PLEKHG1: variants seen among roughly 807,000 people sequenced by gnomAD.
PLEKHG1 encodes the protein pleckstrin homology domain-containing family G member 1.
Under a neutral mutation model 100.8 loss-of-function variants are expected in PLEKHG1, and 44 were observed. The ratio of observed to expected loss-of-function variants is 0.44; its 90% CI spans 0.34 to 0.56. The LOEUF (loss-of-function observed/expected upper bound fraction) is 0.56. Ranked by LOEUF, PLEKHG1 falls within the 20% of genes least tolerant of loss-of-function variation. The pLI is 0.01. For missense variants in PLEKHG1, 1,545 were observed against 1,720.9 expected, an observed-to-expected ratio of 0.90 and a Z score of 1.81; for synonymous variants, 640 against 662.5, an observed-to-expected ratio of 0.97 and a Z score of 0.52.
At chr6:150,781,039 A>C (rs1251590666) in intron 3 of PLEKHG1, among the ~76,000 whole-genome samples, 1 of 151,328 alleles carries the variant, frequency 6.6e-6, no homozygotes, top group Admixed American at 6.6e-5. Flanking sequence ...ACGCCCAGCT[A>C]ATTTTTGTAT....
intron 1 of PLEKHG1, among the ~76,000 whole-genome samples, chr6:150,603,492 A>G (rs1776456759): frequency 1.3e-5 from 2 of 152,188 alleles, no homozygotes; most frequent in Non-Finnish European, 2.9e-5. Context: ...TATATGGCTA[A>G]TCACCTAGCG....
At chr6:150,643,802 AG>A (rs1778370288) in intron 2 of PLEKHG1, among the ~76,000 whole-genome samples, 2 of 152,330 alleles carry the variant, frequency 1.3e-5, no homozygotes, top group African/African-American at 4.8e-5. Flanking sequence ...TCTACTGGTT[AG>A]GAGGCTAAGA....
intron 3 of PLEKHG1, among the ~76,000 whole-genome samples, chr6:150,706,994 T>C (rs1329758151): frequency 2.2e-5 from 2 of 89,244 alleles, no homozygotes; most frequent in African/African-American, 3.3e-5. Context: ...TTCTTTTTCT[T>C]TTTCTTTTTT....
At chr6:150,658,317 C>G (rs1308569635) in intron 3 of PLEKHG1, among the ~76,000 whole-genome samples, 2 of 152,128 alleles carry the variant, frequency 1.3e-5, no homozygotes, top group East Asian at 3.8e-4. Context: ...AATAGAAAGA[C>G]AAGGAATTGC....
At chr6:150,659,782 T>C (rs1041642574) in intron 3 of PLEKHG1, among the ~76,000 whole-genome samples, 1 of 152,214 alleles carries the variant, frequency 6.6e-6, no homozygotes, top group Non-Finnish European at 1.5e-5. Context: ...TGACACTGCT[T>C]TGTGATCTTA....
At chr6:150,652,645 G>A (rs540065721) in intron 3 of PLEKHG1, among the ~76,000 whole-genome samples, 5 of 151,718 alleles carry the variant, frequency 3.3e-5, no homozygotes, top group South Asian at 2.1e-4. Context: ...CCTTGAACCC[G>A]GGAGGCAGAG....
chr6:150,814,076 T>G (rs1006393465), intron 10 of PLEKHG1, among the ~76,000 whole-genome samples: 2 of 152,188 alleles, frequency 1.3e-5, no homozygotes, highest in African/African-American at 4.8e-5. Flanking sequence ...TGTGCATAGG[T>G]GTGGACTTGG....
intron 13 of PLEKHG1, among the ~76,000 whole-genome samples, 171 bp from the exon 15 acceptor site, chr6:150,823,483 C>T (rs1014073022): frequency 1.3e-5 from 2 of 152,128 alleles, no homozygotes; most frequent in East Asian, 1.9e-4. Context: ...TGGGGGTATG[C>T]AGCTGGGAGA....
At chr6:150,828,069 G>A in intron 14 of PLEKHG1, 3 of 1,612,944 alleles carry the variant, frequency 1.9e-6, no homozygotes, top group Non-Finnish European at 1.7e-6. Flanking sequence ...GCACCTCAGT[G>A]GACTTGCCAG....
intron 1 of PLEKHG1, among the ~76,000 whole-genome samples, chr6:150,616,903 T>TTATGAC (rs6149856): frequency 6.6e-6 from 1 of 152,038 alleles, no homozygotes; most frequent in Non-Finnish European, 1.5e-5. Flanking sequence ...TCTCAATCTA[T>TTATGAC]AAAAATCACT....
chr6:150,749,052 C>G (rs1462911791), intron 2 of PLEKHG1, among the ~76,000 whole-genome samples: 1 of 152,124 alleles, frequency 6.6e-6, no homozygotes, highest in Non-Finnish European at 1.5e-5. Context: ...TTAGCACCGA[C>G]CTGGCATAAC....
chr6:150,761,515 G>A (rs1335455560), intron 2 of PLEKHG1, among the ~76,000 whole-genome samples: 1 of 151,718 alleles, frequency 6.6e-6, no homozygotes, highest in East Asian at 1.9e-4. Context: ...GGCTGGTCTC[G>A]AACTCCTGAC....
Position 150,728,712 on chromosome 6 carries a change from A to G in PLEKHG1, c.-98-4872A>G, listed in dbSNP as rs149082976. Among the ~76,000 whole-genome samples, 321 of 152,308 alleles carry G rather than the reference A, an allele frequency of 2.1e-3. 12 individuals carry two copies. In the East Asian group the frequency reaches 0.05, roughly 24 times the overall value. ...GGAGTTCGAGACCAGCCTGGCCAAC[A>G]TGGTGAAACCCCATCTCTACTAAAA... On this transcript the variant is annotated intron_variant, in intron 1 of 15. Transcript: ENST00000358517.
intron 3 of PLEKHG1, among the ~76,000 whole-genome samples, chr6:150,656,610 C>T (rs1778979607): frequency 6.6e-6 from 1 of 152,164 alleles, no homozygotes; most frequent in Non-Finnish European, 1.5e-5. Context: ...TTCATGCTAC[C>T]ACTCCTTTAA....
chr6:150,609,465 A>G (rs1776731826), intron 1 of PLEKHG1, among the ~76,000 whole-genome samples: 1 of 152,172 alleles, frequency 6.6e-6, no homozygotes, highest in African/African-American at 2.4e-5. Context: ...TTAGAGAGAA[A>G]TAAGCTCCAT....
At chr6:150,603,152 T>C (rs17421651) in intron 1 of PLEKHG1, among the ~76,000 whole-genome samples, 7,810 of 149,200 alleles carry the variant, frequency 0.052, 285 homozygotes, top group Middle Eastern at 0.081. Context: ...AGGAAAAATA[T>C]GGTTTCTAAT....
intron 14 of PLEKHG1, 120 bp from the exon 16 acceptor site, chr6:150,830,462 A>G (rs908577395): frequency 2.8e-6 from 2 of 724,086 alleles, no homozygotes; most frequent in East Asian, 5.4e-5. Flanking sequence ...ATCTCAGAAA[A>G]AAATAAAAGA....
intron 1 of PLEKHG1, among the ~76,000 whole-genome samples, chr6:150,626,860 T>C (rs1196756860): frequency 6.6e-6 from 1 of 152,164 alleles, no homozygotes; most frequent in African/African-American, 2.4e-5. Flanking sequence ...TTTACCCCCA[T>C]TGTAGGTCTA....
intron 2 of PLEKHG1, among the ~76,000 whole-genome samples, chr6:150,744,562 A>G (rs1393590513): frequency 6.6e-6 from 1 of 152,250 alleles, no homozygotes; most frequent in Non-Finnish European, 1.5e-5. Flanking sequence ...AATTGAAGTC[A>G]GCTCACATCT....
Sources: allele counts gnomAD v4.1 joint callset (sites outside exome capture counted in the v4.1 genomes callset), GRCh38; gene constraint gnomAD v4.1.1; transcripts MANE v1.5; gene names NCBI Gene and HGNC (gene_info 2026-07-23, HGNC 2026-07-21).